MEIS1: variants seen among roughly 807,000 people sequenced by gnomAD.
The protein encoded by MEIS1 is Meis homeobox 1, also known as homeobox protein Meis1.
MEIS1 carries 5 observed loss-of-function variants against 50.8 expected under a neutral mutation model. That is an observed-to-expected ratio of 0.10 (90% CI 0.05 to 0.21). The LOEUF (loss-of-function observed/expected upper bound fraction) is 0.21. Among genes scored for constraint, MEIS1 ranks in the 10% least tolerant of loss-of-function variants. The pLI, the probability that MEIS1 is intolerant of heterozygous loss-of-function variation, is 1.00. For missense variants in MEIS1, 318 were observed against 517.3 expected, an observed-to-expected ratio of 0.61 and a Z score of 3.74; for synonymous variants, 176 against 179.3, an observed-to-expected ratio of 0.98 and a Z score of 0.15.
intron 7 of MEIS1, among the ~76,000 whole-genome samples, chr2:66,473,397 A>AAAAAAAAAAAAAAAAATAT: frequency 1.9e-5 from 2 of 107,612 alleles, no homozygotes; most frequent in Admixed American, 9.6e-5. Flanking sequence ...AAAAAAAAAA[A>AAAAAAAAAAAAAAAAATAT]ATATATATAT....
rs140522952 is a variant in MEIS1, at chr2:66,547,758, T to C, written c.889-185T>C. Among the ~76,000 whole-genome samples the C allele has an allele frequency of 8.5e-4, 130 of 152,340 alleles. 1 individual carries two copies. Among genetic ancestry groups the C allele is most frequent in the African/African-American group, 2.9e-3 (119 of 41,578 alleles). ...GTATCCTAAGTAGCTATTTATACACTTCATTAATCTTTGTAATTGGCTTGT... is the reference window on the plus strand; with the variant it reads ...GTATCCTAAGTAGCTATTTATACACCTCATTAATCTTTGTAATTGGCTTGT... On this transcript the variant is annotated intron_variant, in intron 8 of 12. Coordinates refer to ENST00000272369, the MANE Select transcript of MEIS1 (RefSeq NM_002398.3).
chr2:66,440,643 C>CCCCCGA, intron 4 of MEIS1, 31 bp downstream of exon 4: 2 of 1,140,834 alleles, frequency 1.8e-6, no homozygotes, highest in Non-Finnish European at 2.4e-6. Context: ...CCCTCCCCCG[C>CCCCCGA]CCCCGACCCC....
At chr2:66,458,307 A>G (rs377586428) in intron 6 of MEIS1, among the ~76,000 whole-genome samples, 74 of 152,300 alleles carry the variant, frequency 4.9e-4, no homozygotes, top group African/African-American at 1.8e-3. Context: ...GTGGGGAGGA[A>G]CAAACCACCT....
intron 7 of MEIS1, among the ~76,000 whole-genome samples, chr2:66,491,866 A>G (rs1381221235): frequency 6.6e-6 from 1 of 152,122 alleles, no homozygotes; most frequent in Non-Finnish European, 1.5e-5. Context: ...ATATAAGGAC[A>G]GCTGCACCCA....
intron 8 of MEIS1, among the ~76,000 whole-genome samples, chr2:66,543,057 C>T (rs762117451): frequency 1.3e-5 from 2 of 152,074 alleles, no homozygotes; most frequent in Non-Finnish European, 2.9e-5. Flanking sequence ...TTAAAATCCC[C>T]CTCCCATCCC....
Position 66,481,850 on chromosome 2 carries a change from CTTTTTTTT to C in MEIS1, c.742+17646_742+17653del, listed in dbSNP as rs996753363. Among the ~76,000 whole-genome samples the C allele has an allele frequency of 1.1e-4, 10 of 90,182 alleles. No individual in the cohort carries two copies. In the South Asian group the frequency reaches 2.0e-3, roughly 18 times the overall value. The allele number at this position is 90,182 out of a possible 152,430, so 59.2% of individuals were successfully genotyped here. A position where few individuals can be genotyped will look rare whatever the true frequency, so the allele number is the denominator to read the frequency against. The stretch of plus-strand genomic sequence containing the variant: ...TTGTGGCTCTTTAGGTCTGATATTT[CTTTTTTTT>C]TTTTTTTTTTTTTTTGAGACGGAGT... On this transcript the variant is annotated intron_variant, in intron 7 of 12. Transcript: ENST00000272369.
chr2:66,549,615 T>C (rs1376615479), intron 9 of MEIS1, among the ~76,000 whole-genome samples: 1 of 152,158 alleles, frequency 6.6e-6, no homozygotes, highest in African/African-American at 2.4e-5. Context: ...ATTTTAAAAC[T>C]TAAAGCTGAT....
chr2:66,547,026 A>T (rs753977323), intron 8 of MEIS1, among the ~76,000 whole-genome samples: 3 of 152,184 alleles, frequency 2.0e-5, no homozygotes, highest in Non-Finnish European at 4.4e-5. Flanking sequence ...GAAGAATTTT[A>T]TCTTGGGATA....
At chr2:66,477,494 G>A (rs1672921207) in intron 7 of MEIS1, among the ~76,000 whole-genome samples, 1 of 152,186 alleles carries the variant, frequency 6.6e-6, no homozygotes, top group East Asian at 1.9e-4. Flanking sequence ...GCTGGGCAGA[G>A]GTGATGCTTT....
chr2:66,565,141 T>C (rs1320119045), intron 9 of MEIS1, among the ~76,000 whole-genome samples: 1 of 152,088 alleles, frequency 6.6e-6, no homozygotes, highest in Non-Finnish European at 1.5e-5. Context: ...TGAGGTGTAA[T>C]TTTTAAAAAT....
At chr2:66,460,949 T>C (rs926053744) in intron 6 of MEIS1, among the ~76,000 whole-genome samples, 18 of 152,164 alleles carry the variant, frequency 1.2e-4, no homozygotes, top group Non-Finnish European at 2.6e-4. Flanking sequence ...AAATCTTCCA[T>C]AGGTGATTCT....
intron 7 of MEIS1, among the ~76,000 whole-genome samples, chr2:66,502,655 G>A (rs1352504752): frequency 6.6e-6 from 1 of 152,192 alleles, no homozygotes; most frequent in African/African-American, 2.4e-5. Context: ...GGGTCCAGGT[G>A]AAGTAACCAC....
chr2:66,526,224 G>A (rs1674248162), intron 8 of MEIS1, among the ~76,000 whole-genome samples: 1 of 152,190 alleles, frequency 6.6e-6, no homozygotes, highest in Non-Finnish European at 1.5e-5. Context: ...TGCTTAGCAG[G>A]TAAATTCTCT....
chr2:66,456,262 G>T (rs138840019), intron 6 of MEIS1, among the ~76,000 whole-genome samples: 1,405 of 61,750 alleles, frequency 0.023, 23 homozygotes, highest in African/African-American at 0.11. Context: ...ACACACACAC[G>T]TTTATTTGCA....
intron 8 of MEIS1, among the ~76,000 whole-genome samples, chr2:66,521,693 T>C (rs1383012908): frequency 6.6e-6 from 1 of 152,248 alleles, no homozygotes; most frequent in Non-Finnish European, 1.5e-5. Context: ...TTGTACCACA[T>C]TGGCTTTTAA....
chr2:66,437,575 T>C (rs1173646502), intron 1 of MEIS1, 162 bp from the exon 2 acceptor site: 1 of 646,002 alleles, frequency 1.5e-6, no homozygotes, highest in African/African-American at 1.8e-5. Flanking sequence ...CTTAAAGCTT[T>C]AATTTTAAAA....
chr2:66,461,978 T>C (rs2103739355), intron 6 of MEIS1: 4 of 424,846 alleles, frequency 9.4e-6, no homozygotes, highest in South Asian at 1.8e-5. Flanking sequence ...ATGTGGAAAA[T>C]TGAATTTACT....
intron 8 of MEIS1, among the ~76,000 whole-genome samples, chr2:66,517,709 G>T (rs1365422653): frequency 6.6e-6 from 1 of 152,166 alleles, no homozygotes; most frequent in Non-Finnish European, 1.5e-5. Flanking sequence ...GAGGGAAATG[G>T]AGTCGATTAT....
At chr2:66,559,978 G>A in intron 9 of MEIS1, among the ~76,000 whole-genome samples, 1 of 151,688 alleles carries the variant, frequency 6.6e-6, no homozygotes, top group East Asian at 1.9e-4. Context: ...TACATTTTTT[G>A]TAGAGACAGG....
Sources: gnomAD v4.1 joint callset for allele counts (sites outside exome capture counted in the v4.1 genomes callset) on GRCh38, gnomAD v4.1.1 for gene constraint, MANE v1.5 for transcripts, NCBI Gene and HGNC (gene_info 2026-07-23, HGNC 2026-07-21) for gene names.